The following TEAD4 variants were observed in gnomAD, a reference collection of about 807,000 sequenced individuals.
TEAD4 encodes transcriptional enhancer factor TEF-3.
TEAD4 carries 36 observed loss-of-function variants against 52.4 expected under a neutral mutation model. That is an observed-to-expected ratio of 0.69 (90% CI 0.53 to 0.91). The LOEUF (loss-of-function observed/expected upper bound fraction) is 0.91. Among genes scored for constraint, TEAD4 ranks in the 40% least tolerant of loss-of-function variants. The pLI, the probability that TEAD4 is intolerant of heterozygous loss-of-function variation, is 0.00. For synonymous variants in TEAD4, 220 were observed against 231.0 expected (o/e 0.95, Z 0.43); for missense variants, 508 against 583.9 (o/e 0.87, Z 1.34).
chr12:3,020,866 T>A (rs1241876751), intron 9 of TEAD4, 93 bp downstream of exon 9: 10 of 1,321,994 alleles, frequency 7.6e-6, no homozygotes, highest in Middle Eastern at 1.9e-4. Context: ...ATGCTGGGGC[T>A]TAATTCAAGT....
intron 2 of TEAD4, among the ~76,000 whole-genome samples, chr12:2,976,700 AGCTG>A (rs2098229975): frequency 9.5e-6 from 1 of 105,468 alleles, no homozygotes; most frequent in African/African-American, 6.3e-5. Flanking sequence ...CCTCCCTGAG[AGCTG>A]AGGAGATGGG....
intron 2 of TEAD4, among the ~76,000 whole-genome samples, chr12:2,985,646 T>C (rs1447983178): frequency 2.7e-5 from 4 of 150,860 alleles, no homozygotes; most frequent in East Asian, 2.1e-4. Flanking sequence ...GCTGGGATTA[T>C]AGGTGCGCAC....
At chr12:2,992,364 A>G (rs2098243843) in intron 2 of TEAD4, among the ~76,000 whole-genome samples, 1 of 151,890 alleles carries the variant, frequency 6.6e-6, no homozygotes, top group Non-Finnish European at 1.5e-5. Flanking sequence ...TTCCCACTGC[A>G]TGTCTGTGCC....
intron 5 of TEAD4, among the ~76,000 whole-genome samples, chr12:3,015,744 C>T (rs2098264020): frequency 6.6e-6 from 1 of 151,286 alleles, no homozygotes; most frequent in Admixed American, 6.6e-5. Context: ...CAGCCTCGAC[C>T]TCCTGGGCTG....
chr12:3,022,089 C>T lies in TEAD4; in HGVS notation c.897+72C>T. ...GTAGTGAGAACGGGGCGAGAGTGCC[C>T]AGAGTGTGCCCTTGTCACAGTAGAA... On this transcript the variant is annotated intron_variant, in intron 10 of 12. Coordinates refer to ENST00000359864, the MANE Select transcript of TEAD4 (RefSeq NM_003213.4). 3 of 1,563,442 alleles carry T rather than the reference C, an allele frequency of 1.9e-6. No homozygotes were observed. The Admixed American group carries it at 5.3e-5, about 27-fold the overall frequency.
chr12:3,040,090 C>T lies in TEAD4; in HGVS notation c.1039-17C>T. 6.2e-7 allele frequency: 1 copy of T among 1,613,500 alleles called. No homozygotes were observed. Among genetic ancestry groups the T allele is most frequent in the Non-Finnish European group, 8.5e-7 (1 of 1,179,506 alleles). On this transcript the variant is annotated splice_polypyrimidine_tract_variant and intron_variant, in intron 11 of 12. Transcript: ENST00000359864. Reference sequence around the variant, plus strand: ...CAGAATGGGATTCTAAGCCCCTGCTCTCCCCGGGTCCTGCAGACAGAGTAT... The same window carrying T: ...CAGAATGGGATTCTAAGCCCCTGCTTTCCCCGGGTCCTGCAGACAGAGTAT...
At chr12:3,029,503 G>T (rs530509975) in intron 10 of TEAD4, among the ~76,000 whole-genome samples, 60 of 152,260 alleles carry the variant, frequency 3.9e-4, no homozygotes, top group Middle Eastern at 3.4e-3. Flanking sequence ...CTCCCAAAGT[G>T]CTGGGATTAC....
chr12:3,035,839 G>GA (rs957836923), intron 10 of TEAD4, among the ~76,000 whole-genome samples: 1 of 131,760 alleles, frequency 7.6e-6, no homozygotes, highest in Non-Finnish European at 1.6e-5. Flanking sequence ...AAAAAAAAAA[G>GA]AAGAAGAAGA....
In TEAD4 at chr12:2,975,566, T is replaced by G. The variant is rs567909841; in HGVS notation, c.-30+15526T>G. On this transcript the variant is annotated intron_variant, in intron 2 of 12. Coordinates refer to ENST00000359864, the MANE Select transcript of TEAD4 (RefSeq NM_003213.4). ...ACCACACCCAGCTAATTTTGTATTTTTAGTAGAGACAGGGTTTCCCCATGT... is the reference window on the plus strand; with the variant it reads ...ACCACACCCAGCTAATTTTGTATTTGTAGTAGAGACAGGGTTTCCCCATGT... Among the ~76,000 whole-genome samples, 41 of 152,060 alleles carry G rather than the reference T, an allele frequency of 2.7e-4. No individual in the cohort carries two copies. The Middle Eastern group carries it at 0.014, about 50-fold the overall frequency.
intron 2 of TEAD4, among the ~76,000 whole-genome samples, chr12:2,966,605 G>T (rs1340657108): frequency 6.6e-6 from 1 of 151,476 alleles, no homozygotes; most frequent in African/African-American, 2.4e-5. Context: ...TAGAAACAGG[G>T]TTTCACCATA....
chr12:2,974,655 G>A (rs1296951726), intron 2 of TEAD4, among the ~76,000 whole-genome samples: 2 of 152,106 alleles, frequency 1.3e-5, no homozygotes, highest in East Asian at 3.9e-4. Flanking sequence ...TGAGGCTCTG[G>A]GTCCTGGAAG....
chr12:2,968,809 C>T (rs999928693), intron 2 of TEAD4, among the ~76,000 whole-genome samples: 1 of 152,000 alleles, frequency 6.6e-6, no homozygotes, highest in Non-Finnish European at 1.5e-5. Flanking sequence ...CCACCATGCC[C>T]TGCCAATTTT....
At chr12:3,005,962 A>G (rs1457406197) in intron 3 of TEAD4, among the ~76,000 whole-genome samples, 4 of 152,160 alleles carry the variant, frequency 2.6e-5, no homozygotes, top group Non-Finnish European at 5.9e-5. Flanking sequence ...TTGGAGACCT[A>G]TTGCCCAGCA....
In TEAD4 at chr12:2,959,980, G is replaced by C. The variant is rs2098213954; in HGVS notation, c.-90G>C. On this transcript the variant is annotated 5_prime_UTR_variant, in exon 2 of 13. Transcript: ENST00000359864. The surrounding 1 kb of genome is among the most constrained non-coding windows in gnomAD (Gnocchi z 5.1). The stretch of plus-strand genomic sequence containing the variant: ...GCCGCGGCCGGAAGAGTTGGCGCTC[G>C]GGGCGGACTCCTTGGAACTGGCTTA... The C allele has an allele frequency of 6.6e-6, 1 of 152,238 alleles. No homozygotes were observed. The highest frequency in any genetic ancestry group is 1.5e-5 in the Non-Finnish European group (1 of 68,074). The allele number at this position is 152,238 out of a possible 1,614,324, so 9.4% of individuals were successfully genotyped here. A position where few individuals can be genotyped will look rare whatever the true frequency, so the allele number is the denominator to read the frequency against.
intron 10 of TEAD4, among the ~76,000 whole-genome samples, chr12:3,029,230 C>A (rs1591597618): frequency 9.2e-6 from 1 of 109,068 alleles, no homozygotes; most frequent in Admixed American, 1.3e-4. Flanking sequence ...CTACGCCTGG[C>A]CAATTTTTTT....
In TEAD4 at chr12:3,026,748, G is replaced by GT. The variant is rs1278824041; in HGVS notation, c.897+4737dup. 3.9e-5 allele frequency among the ~76,000 whole-genome samples: 6 copies of GT among 152,254 alleles called. No homozygotes were observed. In the East Asian group the frequency reaches 9.7e-4, roughly 25 times the overall value. On this transcript the variant is annotated intron_variant, in intron 10 of 12. Coordinates refer to ENST00000359864, the MANE Select transcript of TEAD4 (RefSeq NM_003213.4). ...ATCTTAGTTCAGTTGATGACATTTT[G>GT]TTTTTTCTGGGTAGTTTATAAAGTG...
intron 2 of TEAD4, among the ~76,000 whole-genome samples, chr12:2,986,119 A>G (rs1194699913): frequency 6.6e-6 from 1 of 151,952 alleles, no homozygotes; most frequent in Non-Finnish European, 1.5e-5. Context: ...AATAATAAAA[A>G]CAGAGACAAA....
intron 2 of TEAD4, among the ~76,000 whole-genome samples, chr12:2,980,249 T>C (rs1050957950): frequency 2.0e-5 from 3 of 152,034 alleles, no homozygotes; most frequent in Non-Finnish European, 4.4e-5. Flanking sequence ...GGACCTTCAC[T>C]GGAGGCCGTA....
chr12:2,963,891 C>T (rs183268024), intron 2 of TEAD4, among the ~76,000 whole-genome samples: 5 of 152,280 alleles, frequency 3.3e-5, no homozygotes, highest in Non-Finnish European at 1.5e-5. Context: ...TGTGGGCAGG[C>T]GGGCCCCCAT....
Sources: allele counts gnomAD v4.1 joint callset (sites outside exome capture counted in the v4.1 genomes callset), GRCh38; gene constraint gnomAD v4.1.1; non-coding constraint Gnocchi (gnomAD v3.1); transcripts MANE v1.5; gene names NCBI Gene and HGNC (gene_info 2026-07-23, HGNC 2026-07-21).